The following C1orf198 variants were observed in gnomAD, a reference collection of about 807,000 sequenced individuals.
C1orf198 encodes the protein chromosome 1 open reading frame 198, also known as uncharacterized protein C1orf198.
In C1orf198, 17 loss-of-function variants were observed where a neutral mutation model predicts 31.4. That is an observed-to-expected ratio of 0.54 (90% CI 0.37 to 0.81). The LOEUF (loss-of-function observed/expected upper bound fraction) is 0.81. C1orf198 is among the 40% of genes least tolerant of loss of function. C1orf198 has a pLI of 0.00. For missense variants in C1orf198, 401 were observed against 450.3 expected (o/e 0.89, Z 0.99); for synonymous variants, 175 against 193.8 (o/e 0.90, Z 0.81).
At chr1:230,853,611 T>C (rs575785420) in intron 2 of C1orf198, among the ~76,000 whole-genome samples, 1 of 152,046 alleles carries the variant, frequency 6.6e-6, no homozygotes, top group South Asian at 2.1e-4. Context: ...CCTCGAGAGA[T>C]CAAACAGGAA....
Position 230,849,328 on chromosome 1 carries a change from T to G in C1orf198, c.385-5432A>C, listed in dbSNP as rs1210068387. Among the ~76,000 whole-genome samples the G allele has an allele frequency of 2.6e-5, 4 of 152,080 alleles. No individual in the cohort carries two copies. The South Asian group carries it at 6.2e-4, about 24-fold the overall frequency. ...ATGAAGGGGAGGAACCCATGGGCCA[T>G]GGGACGCCAACTCATGGGCGCTGGC... On this transcript the variant is annotated intron_variant, in intron 2 of 3. Transcript: ENST00000366663.
At chr1:230,855,768 C>A in intron 1 of C1orf198, 50 bp from the exon 2 acceptor site, 1 of 1,605,786 alleles carries the variant, frequency 6.2e-7, no homozygotes, top group Non-Finnish European at 8.5e-7. Flanking sequence ...CAGACATACC[C>A]CATGCAAATA....
In C1orf198 at chr1:230,868,487, G is replaced by A; in HGVS notation, c.26C>T (p.Ala9Val). ...GCTCATGACCGCCGAGCGCGAAGCC[G>A]CGATCGCCGCCGCCATGGACGCCAT... is the stretch of plus-strand genomic sequence containing the variant. MASMAAAIAASRSAVMSGN... is the reference protein window; with the variant it reads MASMAAAIVASRSAVMSGN... Residue 9 changes from alanine to valine, a missense_variant, in exon 1 of 4, where the codon GCG becomes GTG. Transcript: ENST00000366663. 6 of 1,486,514 alleles carry A rather than the reference G, an allele frequency of 4.0e-6. No homozygotes were observed. The highest frequency in any genetic ancestry group is 1.8e-4 in the Middle Eastern group (1 of 5,598). 92.1% of individuals were successfully genotyped at this position (1,486,514 alleles called of 1,614,324 possible). A position where few individuals can be genotyped will look rare whatever the true frequency, so the allele number is the denominator to read the frequency against.
At chr1:230,852,110 C>T (rs1248494751) in intron 2 of C1orf198, among the ~76,000 whole-genome samples, 1 of 152,102 alleles carries the variant, frequency 6.6e-6, no homozygotes, top group Non-Finnish European at 1.5e-5. Flanking sequence ...TGAAGAAGGG[C>T]ATGAGGTTAC....
At chr1:230,862,729 G>A (rs575670477) in intron 1 of C1orf198, among the ~76,000 whole-genome samples, 2 of 152,262 alleles carry the variant, frequency 1.3e-5, no homozygotes, top group African/African-American at 4.8e-5. Flanking sequence ...ATAAGTAAGT[G>A]GAACACAGAG....
rs1423842388 is a variant in C1orf198 at position 230,839,530 on chromosome 1, T to G, written c.*322A>C. Reference sequence around the variant, plus strand: ...CACTTATATGATTTTTGTGACATGGTTGAAACACATCCTTTGAGGAGGGGG... The same window carrying G: ...CACTTATATGATTTTTGTGACATGGGTGAAACACATCCTTTGAGGAGGGGG... On this transcript the variant is annotated 3_prime_UTR_variant, in exon 4 of 4. Transcript: ENST00000366663. 8 of 281,068 alleles carry G rather than the reference T, an allele frequency of 2.8e-5. No individual in the cohort carries two copies. In the East Asian group the frequency reaches 1.0e-3, roughly 36 times the overall value. 17.4% of individuals were successfully genotyped at this position (281,068 alleles called of 1,614,324 possible). A position where few individuals can be genotyped will look rare whatever the true frequency, so the allele number is the denominator to read the frequency against.
chr1:230,858,211 T>C (rs1303064750), intron 1 of C1orf198, among the ~76,000 whole-genome samples: 3 of 152,152 alleles, frequency 2.0e-5, no homozygotes, highest in African/African-American at 7.2e-5. Flanking sequence ...TCTGTGTGCA[T>C]GCTAGGGGTA....
chr1:230,862,284 A>G (rs992954340), intron 1 of C1orf198, among the ~76,000 whole-genome samples: 1 of 152,256 alleles, frequency 6.6e-6, no homozygotes, highest in Non-Finnish European at 1.5e-5. Flanking sequence ...CCACAGCTCC[A>G]TGCACAACTG....
At position 230,849,525 on chromosome 1, in the gene C1orf198, G is replaced by T. The variant is rs145555059; in HGVS notation, c.385-5629C>A. ...GGCTCTGCTGGGAGGACTCCCTCCA[G>T]CCAGGCCAGGGCTGGGCGTCAGTCA... On this transcript the variant is annotated intron_variant, in intron 2 of 3. Transcript: ENST00000366663. Among the ~76,000 whole-genome samples, 940 of 152,250 alleles carry T rather than the reference G, an allele frequency of 6.2e-3. 6 individuals carry two copies. The highest frequency in any genetic ancestry group is 0.02 in the South Asian group (96 of 4,828).
At chr1:230,862,482 T>G (rs1670024901) in intron 1 of C1orf198, among the ~76,000 whole-genome samples, 1 of 152,216 alleles carries the variant, frequency 6.6e-6, no homozygotes, top group Non-Finnish European at 1.5e-5. Context: ...TTTCAGTTAT[T>G]GGATAAGTAA....
intron 2 of C1orf198, among the ~76,000 whole-genome samples, chr1:230,851,938 G>C (rs546212113): frequency 1.3e-5 from 2 of 152,336 alleles, no homozygotes; most frequent in South Asian, 4.1e-4. Context: ...CAGAGGTGCA[G>C]CAGTTGGGTG....
At chr1:230,860,114 G>A (rs1253834384) in intron 1 of C1orf198, among the ~76,000 whole-genome samples, 13 of 152,088 alleles carry the variant, frequency 8.5e-5, no homozygotes, top group Admixed American at 3.9e-4. Context: ...TTAAAAAGGT[G>A]AATTATACAA....
intron 1 of C1orf198, among the ~76,000 whole-genome samples, chr1:230,864,520 G>A (rs11122618): frequency 0.28 from 42,453 of 152,104 alleles, 6,484 homozygotes; most frequent in East Asian, 0.44. Context: ...GGAGGGACAC[G>A]GCAGTGGATC....
intron 2 of C1orf198, 109 bp downstream of exon 2, chr1:230,855,559 C>G: frequency 8.3e-7 from 1 of 1,202,624 alleles, no homozygotes; most frequent in South Asian, 1.5e-5. Flanking sequence ...CCCCTGCAGC[C>G]TGGCAGTCAG....
chr1:230,864,243 C>G (rs1172345804), intron 1 of C1orf198, among the ~76,000 whole-genome samples: 1 of 152,146 alleles, frequency 6.6e-6, no homozygotes, highest in African/African-American at 2.4e-5. Flanking sequence ...AAGCAAACCT[C>G]TAGGCTGGCC....
chr1:230,841,800 A>G (rs1669450191), intron 3 of C1orf198, among the ~76,000 whole-genome samples: 1 of 152,256 alleles, frequency 6.6e-6, no homozygotes, highest in African/African-American at 2.4e-5. Context: ...GAGAAGGGAA[A>G]GCAGGGGCTG....
At chr1:230,866,429 A>C (rs550613728) in intron 1 of C1orf198, among the ~76,000 whole-genome samples, 1 of 152,192 alleles carries the variant, frequency 6.6e-6, no homozygotes, top group Non-Finnish European at 1.5e-5. Context: ...TACAGGCACC[A>C]CAGCACGGCA....
intron 2 of C1orf198, among the ~76,000 whole-genome samples, chr1:230,853,971 C>A (rs146567339): frequency 1.5e-4 from 23 of 152,312 alleles, no homozygotes; most frequent in African/African-American, 4.8e-4. Flanking sequence ...CCAGGAGCTG[C>A]ACCACCTTGT....
intron 2 of C1orf198, among the ~76,000 whole-genome samples, chr1:230,849,679 C>T (rs867474764): frequency 2.0e-5 from 3 of 152,228 alleles, no homozygotes; most frequent in African/African-American, 4.8e-5. Context: ...CAGTAAAAGA[C>T]GAGTGCAGGC....
Sources: gnomAD v4.1 joint callset for allele counts (sites outside exome capture counted in the v4.1 genomes callset) on GRCh38, gnomAD v4.1.1 for gene constraint, MANE v1.5 for transcripts, NCBI Gene and HGNC (gene_info 2026-07-23, HGNC 2026-07-21) for gene names.